SPINK5: variants seen among roughly 807,000 people sequenced by gnomAD.
SPINK5 encodes the protein serine peptidase inhibitor Kazal type 5.
SPINK5 carries 125 observed loss-of-function variants against 151.8 expected under a neutral mutation model. The observed-to-expected ratio is 0.82, with a 90% CI of 0.71 to 0.96. The LOEUF (loss-of-function observed/expected upper bound fraction) is 0.96. Among genes scored for constraint, SPINK5 ranks in the 40% least tolerant of loss-of-function variants. The pLI, the probability that SPINK5 is intolerant of heterozygous loss-of-function variation, is 0.00. For missense variants in SPINK5, 1,194 were observed against 1,291.9 expected, an observed-to-expected ratio of 0.92 and a Z score of 1.16; for synonymous variants, 374 against 395.3, an observed-to-expected ratio of 0.95 and a Z score of 0.64.
At chr5:148,130,579 G>A (rs1170787767) in intron 30 of SPINK5, among the ~76,000 whole-genome samples, 7 of 151,972 alleles carry the variant, frequency 4.6e-5, no homozygotes, top group Non-Finnish European at 1.0e-4. Flanking sequence ...AAAACACTAC[G>A]AAGAGCAAAT....
intron 21 of SPINK5, among the ~76,000 whole-genome samples, chr5:148,115,554 G>A (rs1213221718): frequency 6.6e-6 from 1 of 152,150 alleles, no homozygotes; most frequent in Non-Finnish European, 1.5e-5. Context: ...TAGGCTAGAA[G>A]GCGAGTGGAT....
At position 148,089,512 on chromosome 5, in the gene SPINK5, C is replaced by A. The variant is rs192473184; in HGVS notation, c.493C>A (p.Arg165=). 191 of 1,611,636 alleles carry A rather than the reference C, an allele frequency of 1.2e-4. No individual in the cohort carries two copies. Among genetic ancestry groups the A allele is most frequent in the Non-Finnish European group, 1.5e-4 (179 of 1,178,566 alleles). The change falls in exon 7 of 33, where the codon CGG becomes AGG. Residue 165 remains arginine, a synonymous_variant. Coordinates refer to ENST00000256084, the MANE Select transcript of SPINK5 (RefSeq NM_006846.4). ...TCTTCAGGATGTATGCAGTGCTTTTCGGCCCTTTGTTAGAGATGGAAGACT... is the reference window on the plus strand; with the variant it reads ...TCTTCAGGATGTATGCAGTGCTTTTAGGCCCTTTGTTAGAGATGGAAGACT... ...NPEQDVCSAF[R]PFVRDGRLGC...
chr5:148,069,459 A>C (rs1581048479), intron 2 of SPINK5, among the ~76,000 whole-genome samples: 2 of 151,144 alleles, frequency 1.3e-5, no homozygotes, highest in East Asian at 3.9e-4. Flanking sequence ...TGCCAAAAAA[A>C]AAATTACCAG....
At chr5:148,120,514 T>C (rs1265475796) in intron 26 of SPINK5, 123 bp downstream of exon 26, 2 of 1,248,994 alleles carry the variant, frequency 1.6e-6, no homozygotes, top group Non-Finnish European at 1.1e-6. Flanking sequence ...CGGTAAACAA[T>C]GAAGTCATGG....
chr5:148,067,406 T>G (rs1398582168), intron 2 of SPINK5, among the ~76,000 whole-genome samples: 1 of 152,156 alleles, frequency 6.6e-6, no homozygotes, highest in East Asian at 1.9e-4. Context: ...ACCCTGCAAG[T>G]AAACAGGTGC....
chr5:148,119,968 G>A (rs191895976), intron 24 of SPINK5, 41 bp from the exon 25 acceptor site: 35 of 1,609,356 alleles, frequency 2.2e-5, no homozygotes, highest in Middle Eastern at 3.3e-4. Context: ...CAAATATTAT[G>A]TAAAAACAGC....
At position 148,112,976 on chromosome 5, in the gene SPINK5, T is replaced by C. The variant is rs757317572; in HGVS notation, c.1887+42T>C. The C allele has an allele frequency of 3.7e-6, 6 of 1,610,252 alleles. No homozygotes were observed. The South Asian group carries it at 4.4e-5, about 12-fold the overall frequency. ...TTTATACTGCAATGAAAGGATGAGA[T>C]TTTGCAGTATCTCTGTAAAAATAAC... On this transcript the variant is annotated intron_variant, in intron 20 of 32. Coordinates refer to ENST00000256084, the MANE Select transcript of SPINK5 (RefSeq NM_006846.4).
Position 148,120,375 on chromosome 5 carries a change from G to A in SPINK5, c.2522G>A (p.Arg841Lys). The part of the protein sequence containing the change: ...NTGERSNTGE[R>K]SNDKEDLCRE... ...GGAGAAAGGAGCAATACAGGAGAAA[G>A]GAGCAATGACAAAGAGGTAATAGAT... Residue 841 changes from arginine to lysine, a missense_variant, in exon 26 of 33, where the codon AGG becomes AAG. By Grantham distance (26) the Arg-to-Lys change is conservative. Coordinates refer to ENST00000256084, the MANE Select transcript of SPINK5 (RefSeq NM_006846.4). 6.3e-7 allele frequency: 1 copy of A among 1,599,878 alleles called. No homozygotes were observed. Among genetic ancestry groups the A allele is most frequent in the Non-Finnish European group, 8.5e-7 (1 of 1,171,944 alleles).
chr5:148,112,359 G>A (rs529152427), intron 19 of SPINK5, among the ~76,000 whole-genome samples: 2 of 152,170 alleles, frequency 1.3e-5, no homozygotes, highest in South Asian at 4.2e-4. Context: ...TGGCATGTGC[G>A]TCTTATTCTT....
At chr5:148,118,694 T>C in intron 23 of SPINK5, 130 bp downstream of exon 23, 1 of 1,367,322 alleles carries the variant, frequency 7.3e-7, no homozygotes, top group South Asian at 1.3e-5. Flanking sequence ...TATTCTATTT[T>C]TTTCTCTTGC....
intron 32 of SPINK5, 117 bp downstream of exon 32, chr5:148,134,004 C>A: frequency 2.0e-6 from 2 of 989,074 alleles, no homozygotes; most frequent in Non-Finnish European, 3.2e-6. Flanking sequence ...GACACTAGGT[C>A]AGGTGACCCA....
At chr5:148,124,202 G>T (rs916627547) in intron 27 of SPINK5, among the ~76,000 whole-genome samples, 3 of 152,164 alleles carry the variant, frequency 2.0e-5, no homozygotes, top group Non-Finnish European at 4.4e-5. Flanking sequence ...AGGTAACCTG[G>T]GACAGGCCAG....
rs951229378 is a variant in SPINK5, at chr5:148,118,558, C to A, written c.2234C>A (p.Ala745Glu). 2 of 1,614,046 alleles carry A rather than the reference C, an allele frequency of 1.2e-6. No individual in the cohort carries two copies. The highest frequency in any genetic ancestry group is 1.7e-5 in the Admixed American group (1 of 60,016). Residue 745 changes from alanine (A) to glutamate (E), a missense_variant, in exon 23 of 33, where the codon GCA becomes GAA. Coordinates refer to ENST00000256084, the MANE Select transcript of SPINK5 (RefSeq NM_006846.4). ...AACAATCAGTGTACCATGTGTAAAG[C>A]AAAATTGTAAGTATTTCTCTCAACA... ...SYNNQCTMCK[A>E]KLEREAERKN...
At chr5:148,065,281 ATTAT>A (rs1372943235) in intron 1 of SPINK5, 62 bp from the exon 2 acceptor site, 11 of 1,544,742 alleles carry the variant, frequency 7.1e-6, no homozygotes, top group East Asian at 4.6e-5. Context: ...CATTAAATGG[ATTAT>A]TTGTTTTGTT....
intron 19 of SPINK5, among the ~76,000 whole-genome samples, chr5:148,112,291 C>T (rs1753955348): frequency 6.6e-6 from 1 of 152,132 alleles, no homozygotes; most frequent in South Asian, 2.1e-4. Flanking sequence ...GGGAGAAGAA[C>T]AATATCTTTA....
intron 15 of SPINK5, among the ~76,000 whole-genome samples, chr5:148,104,717 A>G (rs1753733623): frequency 6.6e-6 from 1 of 152,052 alleles, no homozygotes; most frequent in Non-Finnish European, 1.5e-5. Context: ...AGCATGGTGA[A>G]ACCCCGTCTC....
At chr5:148,073,425 CTTT>C (rs1000612698) in intron 4 of SPINK5, among the ~76,000 whole-genome samples, 2 of 151,870 alleles carry the variant, frequency 1.3e-5, no homozygotes, top group African/African-American at 4.8e-5. Context: ...ATTGAAAACT[CTTT>C]ATCTGTAGCA....
intron 1 of SPINK5, among the ~76,000 whole-genome samples, chr5:148,064,439 C>T (rs763709764): frequency 3.3e-5 from 5 of 152,062 alleles, no homozygotes; most frequent in Non-Finnish European, 7.4e-5. Context: ...ATGTAATAGA[C>T]ATTTAAAACT....
chr5:148,089,301 A>AAT, intron 6 of SPINK5, 193 bp from the exon 7 acceptor site: 1 of 719,260 alleles, frequency 1.4e-6, no homozygotes, highest in Non-Finnish European at 2.4e-6. Flanking sequence ...AAATAAATGA[A>AAT]TAAACAAGTA....
Sources: allele counts gnomAD v4.1 joint callset (sites outside exome capture counted in the v4.1 genomes callset), GRCh38; gene constraint gnomAD v4.1.1; transcripts MANE v1.5; gene names NCBI Gene and HGNC (gene_info 2026-07-23, HGNC 2026-07-21).